PYGL: variants seen among roughly 807,000 people sequenced by gnomAD.
The protein encoded by PYGL is glycogen phosphorylase L.
Under a neutral mutation model 100.1 loss-of-function variants are expected in PYGL, and 90 were observed. The observed-to-expected ratio is 0.90, with a 90% CI of 0.76 to 1.07. PYGL has a LOEUF of 1.07. PYGL is among the 50% of genes least tolerant of loss of function. PYGL has a pLI of 0.00. For missense variants in PYGL, 1,016 were observed against 1,057.6 expected (o/e 0.96, Z 0.55); for synonymous variants, 373 against 393.0 (o/e 0.95, Z 0.60).
intron 4 of PYGL, among the ~76,000 whole-genome samples, chr14:50,925,934 G>T (rs543723263): frequency 6.6e-6 from 1 of 152,228 alleles, no homozygotes; most frequent in South Asian, 2.1e-4. Flanking sequence ...CTGGGGAGGG[G>T]CCTGAAATTC....
Position 50,913,115 on chromosome 14 carries a change from A to G in PYGL, c.1534T>C (p.Tyr512His), listed in dbSNP as rs141992494. 1.5e-5 allele frequency: 24 copies of G among 1,613,646 alleles called. No homozygotes were observed. In the African/African-American group the frequency reaches 2.9e-4, roughly 20 times the overall value. ...GTCAGCTGGCTCAGGTCTTTCACAT[A>G]GTCTTCTCCAATTTTCTTTCAATTC... ...ELIAEKIGED[Y>H]VKDLSQLTKL... Residue 512 changes from tyrosine to histidine, a missense_variant, in exon 13 of 20, where the codon TAT becomes CAT. Physicochemically the swap from Tyr to His is moderately conservative, Grantham distance 83. Coordinates refer to ENST00000216392, the MANE Select transcript of PYGL (RefSeq NM_002863.5).
intron 1 of PYGL, among the ~76,000 whole-genome samples, chr14:50,942,842 A>C (rs2050713142): frequency 6.6e-6 from 1 of 152,072 alleles, no homozygotes; most frequent in South Asian, 2.1e-4. Context: ...AAAACAAAAC[A>C]AAACAAAACA....
rs555144612 is a variant in PYGL, at chr14:50,936,629, C to T, written c.345+1107G>A. Among the ~76,000 whole-genome samples, 94 of 152,118 alleles carry T rather than the reference C, an allele frequency of 6.2e-4. 1 individual carries two copies. Among genetic ancestry groups the T allele is most frequent in the African/African-American group, 2.2e-3 (90 of 41,508 alleles). On this transcript the variant is annotated intron_variant, in intron 2 of 19. Transcript: ENST00000216392. ...TTCGAGACCAGCTTGGCCAAAATGG[C>T]GAAACCCCATCTCTACTAAAAATAC...
chr14:50,931,867 C>T (rs2050604187), intron 3 of PYGL, 91 bp from the exon 4 acceptor site: 2 of 986,772 alleles, frequency 2.0e-6, no homozygotes, highest in Non-Finnish European at 3.3e-6. Context: ...AGCCACAAAA[C>T]ATTGTTATAT....
Position 50,926,725 on chromosome 14 carries a change from C to CAAAAAAA in PYGL, c.529-2632_529-2626dup, listed in dbSNP as rs60411526. On this transcript the variant is annotated intron_variant, in intron 4 of 19. Transcript: ENST00000216392. ...TGGGAGACAGAGTGAGACTCTGTCT[C>CAAAAAAA]AAAAAAAAAAAAAAAAAAAAAAAAA... Among the ~76,000 whole-genome samples the CAAAAAAA allele has an allele frequency of 2.9e-3, 123 of 42,844 alleles. 2 individuals carry two copies. The highest frequency in any genetic ancestry group is 3.2e-3 in the African/African-American group (40 of 12,502). The allele number at this position is 42,844 out of a possible 152,430, so 28.1% of individuals were successfully genotyped here. A position where few individuals can be genotyped will look rare whatever the true frequency, so the allele number is the denominator to read the frequency against.
intron 6 of PYGL, 74 bp downstream of exon 6, chr14:50,920,882 T>C: frequency 1.4e-6 from 2 of 1,426,062 alleles, no homozygotes; most frequent in Non-Finnish European, 2.0e-6. Flanking sequence ...TGTTTCAAGC[T>C]CAATTTGGTT....
At position 50,920,529 on chromosome 14, in the gene PYGL, T is replaced by A; in HGVS notation, c.855+12A>T. The A allele has an allele frequency of 6.2e-7, 1 of 1,602,988 alleles. No individual in the cohort carries two copies. The highest frequency in any genetic ancestry group is 1.3e-5 in the African/African-American group (1 of 74,790). ...CTCTGTTGCCACTAAGAAAGCAACC[T>A]TGATCACTCACATTGTCATTGGGAT... On this transcript the variant is annotated intron_variant, in intron 7 of 19. Coordinates refer to ENST00000216392, the MANE Select transcript of PYGL (RefSeq NM_002863.5).
chr14:50,908,588 G>T (rs2050357247), intron 18 of PYGL, among the ~76,000 whole-genome samples: 1 of 152,200 alleles, frequency 6.6e-6, no homozygotes, highest in South Asian at 2.1e-4. Context: ...AACCAGATTT[G>T]TGTGTGTTAT....
intron 1 of PYGL, among the ~76,000 whole-genome samples, chr14:50,939,853 C>T (rs1033955585): frequency 6.6e-6 from 1 of 152,182 alleles, no homozygotes; most frequent in African/African-American, 2.4e-5. Flanking sequence ...ATACTAGTTA[C>T]ACATAAATAT....
At chr14:50,916,807 G>A (rs759237643) in intron 8 of PYGL, 73 bp from the exon 9 acceptor site, 1 of 1,553,568 alleles carries the variant, frequency 6.4e-7, no homozygotes, top group Non-Finnish European at 8.9e-7. Flanking sequence ...TAACACATCT[G>A]GAGAAAGCAC....
At chr14:50,909,800 G>A in intron 17 of PYGL, 95 bp downstream of exon 17, 1 of 1,382,264 alleles carries the variant, frequency 7.2e-7, no homozygotes, top group Non-Finnish European at 1.0e-6. Context: ...TCCAATTTCA[G>A]TGGGATATCG....
chr14:50,923,912 A>C (rs1396058118), intron 5 of PYGL, 57 bp downstream of exon 5: 2 of 1,550,376 alleles, frequency 1.3e-6, no homozygotes, highest in South Asian at 1.1e-5. Flanking sequence ...TAGTCAATGT[A>C]TTATCTACTG....
intron 13 of PYGL, among the ~76,000 whole-genome samples, chr14:50,912,751 C>T (rs561942483): frequency 1.5e-4 from 23 of 152,092 alleles, no homozygotes; most frequent in African/African-American, 5.3e-4. Flanking sequence ...GTCAGGAGTT[C>T]GAGACCAGCC....
intron 7 of PYGL, among the ~76,000 whole-genome samples, chr14:50,919,051 A>T (rs1309772232): frequency 1.3e-5 from 2 of 152,226 alleles, no homozygotes; most frequent in Non-Finnish European, 2.9e-5. Flanking sequence ...AAACAAACAA[A>T]CAAACAAAAA....
At chr14:50,943,741 C>T (rs2050721405) in intron 1 of PYGL, among the ~76,000 whole-genome samples, 1 of 152,200 alleles carries the variant, frequency 6.6e-6, no homozygotes, top group Non-Finnish European at 1.5e-5. Context: ...GATTTTTGTC[C>T]CTTTTGTTTA....
intron 2 of PYGL, among the ~76,000 whole-genome samples, chr14:50,935,924 A>G (rs74051869): frequency 0.047 from 7,223 of 152,256 alleles, 326 homozygotes; most frequent in African/African-American, 0.13. Context: ...GTGGATAAGA[A>G]GCTGTGGGAA....
Position 50,916,768 on chromosome 14 carries a change from G to A in PYGL, c.1000-34C>T, listed in dbSNP as rs777889636. 2.6e-5 allele frequency: 42 copies of A among 1,590,670 alleles called. 2 individuals carry two copies. The highest frequency in any genetic ancestry group is 2.2e-4 in the South Asian group (20 of 90,556). ...GGAAAGACATCAACATGAAGGCAACGGATGGCTCAGGGTCTGGCTTCTTTG... is the reference window on the plus strand; with the variant it reads ...GGAAAGACATCAACATGAAGGCAACAGATGGCTCAGGGTCTGGCTTCTTTG... On this transcript the variant is annotated intron_variant, in intron 8 of 19. Coordinates refer to ENST00000216392, the MANE Select transcript of PYGL (RefSeq NM_002863.5).
intron 1 of PYGL, among the ~76,000 whole-genome samples, chr14:50,942,939 C>T (rs540563989): frequency 1.3e-5 from 2 of 152,296 alleles, no homozygotes; most frequent in Non-Finnish European, 2.9e-5. Flanking sequence ...GCAGTTGCTA[C>T]CTTGGTGGAG....
intron 3 of PYGL, among the ~76,000 whole-genome samples, chr14:50,934,647 GTGTA>G (rs940185479): frequency 1.3e-5 from 2 of 151,744 alleles, no homozygotes; most frequent in Non-Finnish European, 2.9e-5. Flanking sequence ...TTACATGTGT[GTGTA>G]TGTGTGTGTA....
Sources: allele counts gnomAD v4.1 joint callset (sites outside exome capture counted in the v4.1 genomes callset), GRCh38; gene constraint gnomAD v4.1.1; transcripts MANE v1.5; gene names NCBI Gene and HGNC (gene_info 2026-07-23, HGNC 2026-07-21).